The following CRYBG3 variants were observed in gnomAD, a reference collection of about 807,000 sequenced individuals.
CRYBG3 encodes crystallin beta-gamma domain containing 3, also known as very large A-kinase anchor protein.
Under a neutral mutation model 244.2 loss-of-function variants are expected in CRYBG3, and 127 were observed. That is an observed-to-expected ratio of 0.52 (90% CI 0.45 to 0.60). The LOEUF is 0.60. Among genes scored for constraint, CRYBG3 ranks in the 20% least tolerant of loss-of-function variants. The probability of loss-of-function intolerance (pLI) is 0.00; values close to 1 mark genes in which losing one functional copy is unlikely to be tolerated. For synonymous variants in CRYBG3, 1,132 were observed against 1,195.8 expected (o/e 0.95, Z 1.10); for missense variants, 3,325 against 3,442.5 (o/e 0.97, Z 0.85).
At chr3:97,899,384 A>G in intron 14 of CRYBG3, 121 bp downstream of exon 14, 1 of 1,016,414 alleles carries the variant, frequency 9.8e-7, no homozygotes, top group Non-Finnish European at 1.4e-6. Context: ...TAGAAAGAAA[A>G]TGCAATATCA....
intron 2 of CRYBG3, among the ~76,000 whole-genome samples, chr3:97,856,654 C>T (rs2039069577): frequency 6.6e-6 from 1 of 152,178 alleles, no homozygotes; most frequent in Non-Finnish European, 1.5e-5. Context: ...CTTCCCACAA[C>T]ATCCAGGAAT....
intron 17 of CRYBG3, among the ~76,000 whole-genome samples, chr3:97,928,489 C>A (rs916206447): frequency 1.1e-4 from 17 of 151,814 alleles, no homozygotes; most frequent in Non-Finnish European, 2.9e-5. Context: ...ATAATCTGTG[C>A]ATGAAACCCC....
Position 97,864,509 on chromosome 3 carries a change from A to G in CRYBG3, c.509A>G (p.Glu170Gly). Residue 170 changes from glutamate (E) to glycine (G), a missense_variant, in exon 3 of 22, where the codon GAG (glutamate) becomes GGG (glycine). Physicochemically the swap from Glu to Gly is moderately conservative, Grantham distance 98. Transcript: ENST00000389622. Reference protein sequence around the residue: ...SDHHEDGIKREREIFSGSLRT... With the variant: ...SDHHEDGIKRGREIFSGSLRT... The stretch of plus-strand genomic sequence containing the variant: ...CATCATGAAGACGGGATCAAAAGGG[A>G]GAGAGAGATTTTCAGTGGCTCCCTA... The G allele has an allele frequency of 6.5e-7, 1 of 1,535,820 alleles. No homozygotes were observed. The highest frequency in any genetic ancestry group is 8.7e-7 in the Non-Finnish European group (1 of 1,146,654).
intron 17 of CRYBG3, among the ~76,000 whole-genome samples, chr3:97,923,734 G>A (rs2040009580): frequency 6.6e-6 from 1 of 151,984 alleles, no homozygotes; most frequent in South Asian, 2.1e-4. Context: ...GAAATTAAGG[G>A]TACTTATAAA....
intron 2 of CRYBG3, among the ~76,000 whole-genome samples, chr3:97,857,098 G>A (rs972275241): frequency 1.6e-4 from 24 of 151,888 alleles, no homozygotes; most frequent in African/African-American, 5.6e-4. Context: ...TTCATTTGAC[G>A]AAACAAATGT....
chr3:97,941,049 A>G, intron 19 of CRYBG3, 99 bp from the exon 20 acceptor site: 1 of 904,868 alleles, frequency 1.1e-6, no homozygotes, highest in Non-Finnish European at 1.7e-6. Flanking sequence ...TATAACTAAG[A>G]TAGTTACCTC....
intron 2 of CRYBG3, among the ~76,000 whole-genome samples, chr3:97,851,150 A>AT (rs1163171123): frequency 6.6e-6 from 1 of 151,608 alleles, no homozygotes; most frequent in African/African-American, 2.4e-5. Flanking sequence ...AAAAAAAAAA[A>AT]TTTTAGCATC....
intron 2 of CRYBG3, among the ~76,000 whole-genome samples, chr3:97,860,440 A>G (rs1174423315): frequency 1.3e-5 from 2 of 152,126 alleles, no homozygotes; most frequent in African/African-American, 4.8e-5. Context: ...TTTACAGTGG[A>G]GGGGTCTGCT....
At chr3:97,841,341 C>T (rs1214025762) in intron 1 of CRYBG3, among the ~76,000 whole-genome samples, 38 of 149,584 alleles carry the variant, frequency 2.5e-4, no homozygotes, top group Non-Finnish European at 5.5e-4. Context: ...TGTATATATG[C>T]ATATATATAT....
Position 97,876,443 on chromosome 3 carries a change from G to T in CRYBG3, c.5249G>T (p.Gly1750Val). Residue 1750 changes from glycine (G) to valine (V), a missense_variant, in exon 4 of 22, where the codon GGT becomes GTT. This residue lies in a region of CRYBG3 where 635 missense variants were observed against 771.7 expected (regional missense o/e 0.82). Coordinates refer to ENST00000389622, the MANE Select transcript of CRYBG3 (RefSeq NM_153605.4). ...NTYPKDTERD[G>V]GKTEVMPLAL... ...TACCCAAAGGATACTGAAAGAGACG[G>T]TGGCAAAACTGAGGTGATGCCCCTT... 8 of 1,232,118 alleles carry T rather than the reference G, an allele frequency of 6.5e-6. No homozygotes were observed. The highest frequency in any genetic ancestry group is 1.0e-6 in the Non-Finnish European group (1 of 987,960). The allele number at this position is 1,232,118 out of a possible 1,614,324, so 76.3% of individuals were successfully genotyped here. A position where few individuals can be genotyped will look rare whatever the true frequency, so the allele number is the denominator to read the frequency against.
Position 97,822,169 on chromosome 3 carries a change from C to A in CRYBG3, c.-38C>A. ...GGCACCAGGCAACACCTAGGCCGTTCCCTTCAGACAGCCCCGGGCCAGCGG... is the reference window on the plus strand; with the variant it reads ...GGCACCAGGCAACACCTAGGCCGTTACCTTCAGACAGCCCCGGGCCAGCGG... On this transcript the variant is annotated 5_prime_UTR_variant, in exon 1 of 22. Transcript: ENST00000389622. 6.8e-7 allele frequency: 1 copy of A among 1,473,500 alleles called. No homozygotes were observed. 91.3% of individuals were successfully genotyped at this position (1,473,500 alleles called of 1,614,324 possible). A position where few individuals can be genotyped will look rare whatever the true frequency, so the allele number is the denominator to read the frequency against.
At chr3:97,931,692 G>C (rs1031978785) in intron 17 of CRYBG3, among the ~76,000 whole-genome samples, 28 of 152,032 alleles carry the variant, frequency 1.8e-4, no homozygotes, top group African/African-American at 6.8e-4. Context: ...GATTATACCA[G>C]CATGTCCCAA....
intron 2 of CRYBG3, among the ~76,000 whole-genome samples, chr3:97,858,939 T>A (rs1250311006): frequency 6.6e-6 from 1 of 151,650 alleles, no homozygotes; most frequent in Non-Finnish European, 1.5e-5. Context: ...AGTACCTTCT[T>A]CAATTTTATG....
At chr3:97,843,641 A>G (rs1033070277) in intron 2 of CRYBG3, among the ~76,000 whole-genome samples, 2 of 152,192 alleles carry the variant, frequency 1.3e-5, no homozygotes, top group Non-Finnish European at 2.9e-5. Context: ...GCAAAGCAAT[A>G]GTGCTTTTGG....
intron 1 of CRYBG3, among the ~76,000 whole-genome samples, chr3:97,834,469 C>T (rs1197917031): frequency 1.3e-5 from 2 of 152,110 alleles, no homozygotes; most frequent in African/African-American, 4.8e-5. Flanking sequence ...GTTTCTACCT[C>T]AGTGGCAGAT....
intron 2 of CRYBG3, among the ~76,000 whole-genome samples, chr3:97,845,189 G>T (rs1161079503): frequency 1.3e-5 from 2 of 152,158 alleles, no homozygotes; most frequent in Non-Finnish European, 2.9e-5. Context: ...GCATTTCCCA[G>T]TTGATCAGAA....
intron 1 of CRYBG3, among the ~76,000 whole-genome samples, chr3:97,840,314 T>G (rs2038794042): frequency 6.6e-6 from 1 of 152,098 alleles, no homozygotes; most frequent in African/African-American, 2.4e-5. Context: ...GGAATGATTT[T>G]TATCAGTCAA....
intron 17 of CRYBG3, among the ~76,000 whole-genome samples, chr3:97,925,717 T>A (rs2040033319): frequency 6.6e-6 from 1 of 152,088 alleles, no homozygotes; most frequent in South Asian, 2.1e-4. Flanking sequence ...GGTGGGAGTT[T>A]AAATTCATCT....
At chr3:97,832,864 A>G (rs981987001) in intron 1 of CRYBG3, among the ~76,000 whole-genome samples, 1 of 152,134 alleles carries the variant, frequency 6.6e-6, no homozygotes, top group African/African-American at 2.4e-5. Flanking sequence ...ACTCAAACAA[A>G]TTTACAAGAA....
Sources: gnomAD v4.1 joint callset for allele counts (sites outside exome capture counted in the v4.1 genomes callset) on GRCh38, gnomAD v4.1.1 for gene constraint, gnomAD v4.1.1 regional missense constraint, MANE v1.5 for transcripts, NCBI Gene and HGNC (gene_info 2026-07-23, HGNC 2026-07-21) for gene names.